The following TDP1 variants were observed in gnomAD, a reference collection of about 807,000 sequenced individuals.
TDP1 encodes tyrosyl-DNA phosphodiesterase 1.
TDP1 carries 64 observed loss-of-function variants against 81.5 expected under a neutral mutation model. The ratio of observed to expected loss-of-function variants is 0.79; its 90% CI spans 0.64 to 0.97. The LOEUF (loss-of-function observed/expected upper bound fraction) is 0.97, where lower values mean the gene tolerates loss of function less well. Among genes scored for constraint, TDP1 ranks in the 50% least tolerant of loss-of-function variants. TDP1 has a pLI of 0.00. For missense variants in TDP1, 723 were observed against 743.8 expected (o/e 0.97, Z 0.33); for synonymous variants, 256 against 264.3 (o/e 0.97, Z 0.30).
intron 15 of TDP1, among the ~76,000 whole-genome samples, chr14:90,027,857 A>AC (rs986094395): frequency 5.3e-4 from 81 of 152,226 alleles, no homozygotes; most frequent in African/African-American, 1.9e-3. Flanking sequence ...AGTGCCTGGT[A>AC]CTTAGCAAGT....
intron 6 of TDP1, among the ~76,000 whole-genome samples, chr14:89,974,808 G>A (rs557321160): frequency 5.3e-5 from 8 of 152,260 alleles, no homozygotes; most frequent in Non-Finnish European, 1.0e-4. Flanking sequence ...CATGTACTGC[G>A]TTCCTAATTG....
In TDP1 at chr14:89,991,591, C is replaced by T. The variant is rs1317719337; in HGVS notation, c.1367-326C>T. ...TGATTAGCGAGTTGTCATTAGTTTT[C>T]AGTATGTTTGTGTTACATGAGCCTT... On this transcript the variant is annotated intron_variant, in intron 12 of 16. Transcript: ENST00000335725. The T allele has an allele frequency of 7.1e-6, 7 of 984,900 alleles. No homozygotes were observed. In the East Asian group the frequency reaches 6.8e-4, roughly 96 times the overall value. The allele number at this position is 984,900 out of a possible 1,614,324, so 61.0% of individuals were successfully genotyped here. A position where few individuals can be genotyped will look rare whatever the true frequency, so the allele number is the denominator to read the frequency against.
At chr14:89,998,396 A>ATGTATG (rs1376102095) in intron 14 of TDP1, among the ~76,000 whole-genome samples, 1 of 112,762 alleles carries the variant, frequency 8.9e-6, no homozygotes, top group African/African-American at 5.0e-5. Flanking sequence ...ATATATATAT[A>ATGTATG]TATATATATA....
At chr14:90,028,301 C>T (rs542005271) in intron 15 of TDP1, among the ~76,000 whole-genome samples, 1 of 152,196 alleles carries the variant, frequency 6.6e-6, no homozygotes, top group Admixed American at 6.5e-5. Context: ...AGCCTGATGC[C>T]TTGTGTAGGG....
chr14:90,002,018 A>G (rs1897231565), intron 14 of TDP1, among the ~76,000 whole-genome samples: 1 of 152,120 alleles, frequency 6.6e-6, no homozygotes, highest in South Asian at 2.1e-4. Flanking sequence ...GCACATGGTT[A>G]CTGACCAAAA....
chr14:90,013,289 T>C lies in TDP1; in HGVS notation c.1542-6027T>C, dbSNP rs180693263. ...GGTAGAATGATATGGTTTGGCTCTG[T>C]GTCCTCACCCAAATGTCATCTTGAA... On this transcript the variant is annotated intron_variant, in intron 14 of 16. Transcript: ENST00000335725. Among the ~76,000 whole-genome samples the C allele has an allele frequency of 2.0e-3, 306 of 152,298 alleles. 1 individual carries two copies. The highest frequency in any genetic ancestry group is 6.7e-3 in the African/African-American group (277 of 41,566).
rs77303840 is a variant in TDP1 at position 90,018,071 on chromosome 14, CTTT to C, written c.1542-1231_1542-1229del. Among the ~76,000 whole-genome samples, 629 of 143,776 alleles carry C rather than the reference CTTT, an allele frequency of 4.4e-3. 6 individuals carry two copies. The highest frequency in any genetic ancestry group is 0.015 in the African/African-American group (590 of 39,534). The allele number at this position is 143,776 out of a possible 152,430, so 94.3% of individuals were successfully genotyped here. A position where few individuals can be genotyped will look rare whatever the true frequency, so the allele number is the denominator to read the frequency against. The stretch of plus-strand genomic sequence containing the variant: ...CTGTTCCCATAGAACCCTTAACAAA[CTTT>C]TTTTTTTTTTTTTATCTTACTTGGT... On this transcript the variant is annotated intron_variant, in intron 14 of 16. Coordinates refer to ENST00000335725, the MANE Select transcript of TDP1 (RefSeq NM_018319.4).
chr14:89,986,864 A>G (rs542362782), intron 10 of TDP1: 1 of 152,364 alleles, frequency 6.6e-6, no homozygotes, highest in East Asian at 1.9e-4. Context: ...TATTAAATTA[A>G]ACAAAACGTC....
At chr14:89,960,412 A>G (rs953115633) in intron 2 of TDP1, among the ~76,000 whole-genome samples, 9 of 152,236 alleles carry the variant, frequency 5.9e-5, no homozygotes, top group East Asian at 1.9e-4. Flanking sequence ...AACCATGACA[A>G]TACAGTTCTA....
At chr14:90,034,123 A>G (rs35515353) in intron 16 of TDP1, among the ~76,000 whole-genome samples, 15 of 152,288 alleles carry the variant, frequency 9.8e-5, no homozygotes, top group Non-Finnish European at 2.1e-4. Context: ...TAGCAAGGAA[A>G]GTGGTGTTTT....
At chr14:89,995,894 A>C (rs1896614698) in intron 14 of TDP1, among the ~76,000 whole-genome samples, 1 of 152,212 alleles carries the variant, frequency 6.6e-6, no homozygotes, top group Non-Finnish European at 1.5e-5. Flanking sequence ...AGGATAAAAC[A>C]GAAGATTTAG....
At position 89,963,538 on chromosome 14, in the gene TDP1, G is replaced by A. The variant is rs1052147795; in HGVS notation, c.424G>A (p.Glu142Lys). Residue 142 changes from glutamate (E) to lysine (K), a missense_variant, in exon 3 of 17, where the codon GAA becomes AAA. Coordinates refer to ENST00000335725, the MANE Select transcript of TDP1 (RefSeq NM_018319.4). ...CGCCTGCCACAGGCTCAAAGAGGAGGAAGACGAGTATGAGACATCAGGGGA... is the reference window on the plus strand; with the variant it reads ...CGCCTGCCACAGGCTCAAAGAGGAGAAAGACGAGTATGAGACATCAGGGGA... ...APACHRLKEEEDEYETSGEGQ... is the reference protein window; with the variant it reads ...APACHRLKEEKDEYETSGEGQ... 1.9e-6 allele frequency: 3 copies of A among 1,608,194 alleles called. No homozygotes were observed. The highest frequency in any genetic ancestry group is 1.7e-6 in the Non-Finnish European group (2 of 1,176,772).
chr14:89,988,697 A>G (rs772057310), intron 10 of TDP1: 6 of 981,588 alleles, frequency 6.1e-6, no homozygotes, highest in Non-Finnish European at 6.0e-6. Flanking sequence ...ACTTCTGTCC[A>G]TCTACTCCAT....
chr14:89,966,023 T>C, intron 3 of TDP1, 124 bp from the exon 4 acceptor site: 1 of 980,704 alleles, frequency 1.0e-6, no homozygotes, highest in Non-Finnish European at 1.6e-6. Context: ...TTGTAGTAAC[T>C]GTTTAGCTTA....
intron 6 of TDP1, among the ~76,000 whole-genome samples, chr14:89,974,328 C>T (rs1009946794): frequency 6.6e-6 from 1 of 152,176 alleles, no homozygotes; most frequent in Non-Finnish European, 1.5e-5. Flanking sequence ...AAACAAAAGC[C>T]AGGTCTCTTG....
chr14:89,988,561 G>A (rs1299293770), intron 10 of TDP1: 17 of 975,408 alleles, frequency 1.7e-5, no homozygotes, highest in Non-Finnish European at 1.9e-5. Flanking sequence ...AAACACTTGT[G>A]ATTTCAAGTA....
At chr14:89,970,835 ATTT>A in intron 5 of TDP1, 32 of 748,790 alleles carry the variant, frequency 4.3e-5, no homozygotes, top group South Asian at 3.1e-4. Flanking sequence ...TAATTAATTT[ATTT>A]ATTTATTTAT....
chr14:90,017,297 C>T (rs1885433114), intron 14 of TDP1, among the ~76,000 whole-genome samples: 1 of 150,598 alleles, frequency 6.6e-6, no homozygotes, highest in Admixed American at 6.6e-5. Flanking sequence ...CCTGGCTGCC[C>T]CAGGTGCCCG....
rs1555385521 is a variant in TDP1, at chr14:89,975,582, T to TGTG, written c.757-199_757-198insGTG. 3 of 167,010 alleles carry TGTG rather than the reference T, an allele frequency of 1.8e-5. No homozygotes were observed. In the African/African-American group the frequency reaches 2.9e-4, roughly 16 times the overall value. The allele number at this position is 167,010 out of a possible 1,614,324, so 10.3% of individuals were successfully genotyped here. A position where few individuals can be genotyped will look rare whatever the true frequency, so the allele number is the denominator to read the frequency against. ...ATCATTCTGGGTAACAAAATTTGTG[T>TGTG]TTTTTTTTTTTTTTTTTTTAATGAG... On this transcript the variant is annotated intron_variant, in intron 6 of 16. Transcript: ENST00000335725.
Sources: gnomAD v4.1 joint callset for allele counts (sites outside exome capture counted in the v4.1 genomes callset) on GRCh38, gnomAD v4.1.1 for gene constraint, MANE v1.5 for transcripts, NCBI Gene and HGNC (gene_info 2026-07-23, HGNC 2026-07-21) for gene names.